The following DBN1 variants were observed in gnomAD, a reference collection of about 807,000 sequenced individuals.
DBN1 encodes drebrin 1, also known as drebrin.
DBN1 carries 21 observed loss-of-function variants against 83.5 expected under a neutral mutation model. That is an observed-to-expected ratio of 0.25 (90% CI 0.18 to 0.36). DBN1 has a LOEUF of 0.36. Ranked by LOEUF, DBN1 falls within the 10% of genes least tolerant of loss-of-function variation. The pLI is 1.00. For missense variants in DBN1, 874 were observed against 935.7 expected, an observed-to-expected ratio of 0.93 and a Z score of 0.86; for synonymous variants, 381 against 384.9, an observed-to-expected ratio of 0.99 and a Z score of 0.12.
Position 177,467,040 on chromosome 5 carries a change from T to A in DBN1, c.578A>T (p.Glu193Val), listed in dbSNP as rs1757495084. 6.2e-7 allele frequency: 1 copy of A among 1,613,876 alleles called. No individual in the cohort carries two copies. The highest frequency in any genetic ancestry group is 8.5e-7 in the Non-Finnish European group (1 of 1,179,940). The change falls in exon 7 of 15, where the codon GAG (glutamate) becomes GTG (valine). Residue 193 changes from glutamate (E) to valine (V), a missense_variant. Glu to Val is a moderately radical substitution (Grantham distance 121). Transcript: ENST00000393565. This position sits in a 1 kb window ranked among gnomAD's most constrained non-coding sequence, Gnocchi z 9.1. ...ATCCAGGGCCTTCTTCCGCTCCTCC[T>A]CCTTCCGCAGCTCTTCTTCCTTCTG... ...QAKKEEELRKEEERKKALDER... is the reference protein window; with the variant it reads ...QAKKEEELRKVEERKKALDER...
chr5:177,464,939 G>C (rs533023550), intron 8 of DBN1, among the ~76,000 whole-genome samples: 2 of 152,078 alleles, frequency 1.3e-5, no homozygotes, highest in Non-Finnish European at 2.9e-5. Flanking sequence ...CAGATCATGA[G>C]GTCAGGAGAT....
At chr5:177,461,094 C>CTT (rs1212164434) in intron 8 of DBN1, among the ~76,000 whole-genome samples, 1,657 of 90,690 alleles carry the variant, frequency 0.018, 112 homozygotes, top group African/African-American at 0.061. Flanking sequence ...TTCTGGCCTT[C>CTT]TTTTTTTTTT....
At chr5:177,463,619 G>A (rs1757201058) in intron 8 of DBN1, among the ~76,000 whole-genome samples, 1 of 152,158 alleles carries the variant, frequency 6.6e-6, no homozygotes, top group African/African-American at 2.4e-5. Context: ...TTCCTTAGAG[G>A]ACCTGAAATT....
chr5:177,460,627 G>A lies in DBN1; in HGVS notation c.831+17C>T. On this transcript the variant is annotated intron_variant, in intron 9 of 14. Transcript: ENST00000393565. The stretch of plus-strand genomic sequence containing the variant: ...TAGCCCTGTCTGCCTCACCTGGCTG[G>A]TGCCCCCAGCTCTCACCTCCACCTC... 2 of 1,614,164 alleles carry A rather than the reference G, an allele frequency of 1.2e-6. No individual in the cohort carries two copies. The highest frequency in any genetic ancestry group is 1.7e-6 in the Non-Finnish European group (2 of 1,180,026).
At chr5:177,468,065 AGC>A in intron 3 of DBN1, 41 bp downstream of exon 3, 2 of 855,614 alleles carry the variant, frequency 2.3e-6, no homozygotes, top group Non-Finnish European at 3.9e-6. Flanking sequence ...GTTGATGAGC[AGC>A]TCTGGGCCCT....
chr5:177,468,845 T>C lies in DBN1; in HGVS notation c.141A>G (p.Gly47=). Reference sequence around the variant, plus strand: ...CGAGGGAATGGCTGGAATTCCTACCTCCTGATGCTGCAAGCTTGAGGTCAT... The same window carrying C: ...CGAGGGAATGGCTGGAATTCCTACCCCCTGATGCTGCAAGCTTGAGGTCAT... The part of the protein sequence containing the change: ...GSDDLKLAAS[G]EGGLQELSGH... The change falls in exon 2 of 15, where the codon GGA becomes GGG. Residue 47 remains glycine (G), a splice_region_variant and synonymous_variant. Coordinates refer to ENST00000393565, the MANE Select transcript of DBN1 (RefSeq NM_001363541.2). The C allele has an allele frequency of 7.6e-7, 1 of 1,322,142 alleles. No homozygotes were observed. Among genetic ancestry groups the C allele is most frequent in the Non-Finnish European group, 9.7e-7 (1 of 1,026,872 alleles). 81.9% of individuals were successfully genotyped at this position (1,322,142 alleles called of 1,614,324 possible).
chr5:177,472,376 A>G lies in DBN1; in HGVS notation c.86+1060T>C, dbSNP rs1265793277. On this transcript the variant is annotated intron_variant, in intron 1 of 14. Coordinates refer to ENST00000393565, the MANE Select transcript of DBN1 (RefSeq NM_001363541.2). ...ATCTGCCAGCAGGGAGAGGAGGCCT[A>G]GGAACCAGATGGGCACCTTCCCTAG... 4 of 1,474,092 alleles carry G rather than the reference A, an allele frequency of 2.7e-6. No individual in the cohort carries two copies. In the African/African-American group the frequency reaches 5.8e-5, roughly 21 times the overall value. 91.3% of individuals were successfully genotyped at this position (1,474,092 alleles called of 1,614,324 possible).
intron 12 of DBN1, 64 bp from the exon 13 acceptor site, chr5:177,458,771 C>T: frequency 7.2e-7 from 1 of 1,390,366 alleles, no homozygotes; most frequent in Non-Finnish European, 9.4e-7. Context: ...GAGACCCTGC[C>T]CACCCACTAA....
intron 12 of DBN1, among the ~76,000 whole-genome samples, 189 bp downstream of exon 12, chr5:177,458,909 G>A (rs1756783423): frequency 6.6e-6 from 1 of 152,180 alleles, no homozygotes; most frequent in African/African-American, 2.4e-5. Context: ...TGAGAGGGCG[G>A]GTGCTAAGCT....
At chr5:177,457,970 ACTGG>A in intron 13 of DBN1, 84 bp downstream of exon 13, 1 of 1,540,514 alleles carries the variant, frequency 6.5e-7, no homozygotes, top group South Asian at 1.1e-5. Context: ...AGAAGGGGGT[ACTGG>A]TGCAAGCATG....
rs142058925 is a variant in DBN1, at chr5:177,458,261, C to T, written c.1711G>A (p.Glu571Lys). Residue 571 changes from glutamate to lysine, a missense_variant, in exon 13 of 15, where the codon GAA becomes AAA. Physicochemically the swap from Glu to Lys is moderately conservative, Grantham distance 56. Around this residue, in one of 4 missense-constraint regions of DBN1, gnomAD observed 725 missense variants for 719.7 expected, o/e 1.01. Coordinates refer to ENST00000393565, the MANE Select transcript of DBN1 (RefSeq NM_001363541.2). ...VAPEPLLPAG[E>K]GCATLLNFDE... ...AAGTTGAGAAGGGTGGCACAGCCTT[C>T]GCCTGCTGGCAGCAGTGGCTCCGGA... is the stretch of plus-strand genomic sequence containing the variant. The T allele has an allele frequency of 9.3e-6, 15 of 1,613,736 alleles. No individual in the cohort carries two copies. Among genetic ancestry groups the T allele is most frequent in the Middle Eastern group, 3.3e-4 (2 of 6,060 alleles).
Position 177,457,744 on chromosome 5 carries a change from T to A in DBN1, c.1928A>T (p.Tyr643Phe). 1 of 1,608,126 alleles carries A rather than the reference T, an allele frequency of 6.2e-7. No individual in the cohort carries two copies. Among genetic ancestry groups the A allele is most frequent in the Non-Finnish European group, 8.5e-7 (1 of 1,174,750 alleles). Residue 643 changes from tyrosine (Y) to phenylalanine (F), a missense_variant, in exon 14 of 15, where the codon TAC becomes TTC. Physicochemically the swap from Tyr to Phe is conservative, Grantham distance 22 (BLOSUM62 3). Coordinates refer to ENST00000393565, the MANE Select transcript of DBN1 (RefSeq NM_001363541.2). The part of the protein sequence containing the change: ...QKEGTQASEG[Y>F]FSQSQEEEFA... The stretch of plus-strand genomic sequence containing the variant: ...CTCCTCCTCCTGTGATTGACTGAAG[T>A]ACCCCTCACTGGCCTGCAGGGGAAA...
rs758187739 is a variant in DBN1 at position 177,467,042 on chromosome 5, C to T, written c.576G>A (p.Lys192=). ...EQAKKEEELR[K]EEERKKALDE... is the part of the protein sequence containing the mutation. ...CCAGGGCCTTCTTCCGCTCCTCCTC[C>T]TTCCGCAGCTCTTCTTCCTTCTGCA... Residue 192 remains lysine (K), a synonymous_variant, in exon 7 of 15, where the codon AAG becomes AAA. Coordinates refer to ENST00000393565, the MANE Select transcript of DBN1 (RefSeq NM_001363541.2). The surrounding 1 kb of genome is among the most constrained non-coding windows in gnomAD (Gnocchi z 9.1). 3 of 1,613,922 alleles carry T rather than the reference C, an allele frequency of 1.9e-6. No individual in the cohort carries two copies. Among genetic ancestry groups the T allele is most frequent in the Non-Finnish European group, 2.5e-6 (3 of 1,179,948 alleles).
rs913233649 is a variant in DBN1 at position 177,466,200 on chromosome 5, G to A, written c.771+572C>T. 2.7e-4 allele frequency among the ~76,000 whole-genome samples: 41 copies of A among 152,194 alleles called. No individual in the cohort carries two copies. The highest frequency in any genetic ancestry group is 9.9e-4 in the African/African-American group (41 of 41,440). On this transcript the variant is annotated intron_variant, in intron 8 of 14. Coordinates refer to ENST00000393565, the MANE Select transcript of DBN1 (RefSeq NM_001363541.2). This position sits in a 1 kb window ranked among gnomAD's most constrained non-coding sequence, Gnocchi z 4.8. ...CCTGAACTGAGCCATGCTCAGTCCT[G>A]AATGACATTAGCTATTTCCAAAATA...
rs571849799 is a variant in DBN1, at chr5:177,462,199, C to T, written c.772-1496G>A. On this transcript the variant is annotated intron_variant, in intron 8 of 14. Transcript: ENST00000393565. The stretch of plus-strand genomic sequence containing the variant: ...AGCCGTCACCTCTCCAACACCACCC[C>T]CTGCCGGCCCCCACCCCAAGGCTCC... The T allele has an allele frequency of 8.5e-5, 84 of 984,986 alleles. 1 individual carries two copies. The South Asian group carries it at 3.4e-3, about 40-fold the overall frequency. 61.0% of individuals were successfully genotyped at this position (984,986 alleles called of 1,614,324 possible). A position where few individuals can be genotyped will look rare whatever the true frequency, so the allele number is the denominator to read the frequency against.
At chr5:177,472,518 C>T (rs577035618) in intron 1 of DBN1, 68 of 819,290 alleles carry the variant, frequency 8.3e-5, no homozygotes, top group African/African-American at 7.3e-4. Context: ...CCATCCCCTC[C>T]CCCAGCTCAG....
At chr5:177,471,973 C>T (rs1374104139) in intron 1 of DBN1, 21 of 847,958 alleles carry the variant, frequency 2.5e-5, no homozygotes, top group Non-Finnish European at 5.2e-6. Context: ...CAGGCGGGGC[C>T]TTATCCCAAA....
rs141342720 is a variant in DBN1, at chr5:177,467,237, G to C, written c.555+18C>G. On this transcript the variant is annotated intron_variant, in intron 6 of 14. Transcript: ENST00000393565. The surrounding 1 kb of genome is among the most constrained non-coding windows in gnomAD (Gnocchi z 9.1). The stretch of plus-strand genomic sequence containing the variant: ...CCATGAGGGGTGGCTCAGCCAGGCC[G>C]GGCTCAGGGTTCCATACCTTGGCCT... The C allele has an allele frequency of 5.0e-6, 8 of 1,613,838 alleles. No individual in the cohort carries two copies. Among genetic ancestry groups the C allele is most frequent in the African/African-American group, 1.3e-5 (1 of 74,892 alleles).
rs145170932 is a variant in DBN1, at chr5:177,458,640, G to C, written c.1332C>G (p.Ala444=). ...CCTGAGGGGGCTCCTCCATGGGGCC[G>C]GCCCAGGCCTGAGGGGCTGCTGCTC... The part of the protein sequence containing the change: ...ETRAAAPQAW[A]GPMEEPPQAQ... The change falls in exon 13 of 15, where the codon GCC becomes GCG. Residue 444 remains alanine, a synonymous_variant. Transcript: ENST00000393565. The C allele has an allele frequency of 6.3e-7, 1 of 1,597,814 alleles. No homozygotes were observed. Among genetic ancestry groups the C allele is most frequent in the Non-Finnish European group, 8.5e-7 (1 of 1,172,118 alleles).
Sources: allele counts gnomAD v4.1 joint callset (sites outside exome capture counted in the v4.1 genomes callset), GRCh38; gene constraint gnomAD v4.1.1; regional missense constraint gnomAD v4.1.1; non-coding constraint Gnocchi (gnomAD v3.1); transcripts MANE v1.5; gene names NCBI Gene and HGNC (gene_info 2026-07-23, HGNC 2026-07-21).